SHOC2: variants seen among roughly 807,000 people sequenced by gnomAD.
SHOC2 encodes SHOC2 leucine rich repeat scaffold protein.
In SHOC2, 4 loss-of-function variants were observed where a neutral mutation model predicts 50.2. That is an observed-to-expected ratio of 0.08 (90% confidence interval 0.04 to 0.18). SHOC2 has a LOEUF of 0.18. Ranked by LOEUF, SHOC2 falls within the 10% of genes least tolerant of loss-of-function variation. SHOC2 has a pLI of 1.00. For synonymous variants in SHOC2, 218 were observed against 244.5 expected, an observed-to-expected ratio of 0.89 and a Z score of 1.01; for missense variants, 388 against 669.6, an observed-to-expected ratio of 0.58 and a Z score of 4.64.
At chr10:111,009,445 C>A in intron 7 of SHOC2, 60 bp downstream of exon 7, 2 of 1,377,058 alleles carry the variant, frequency 1.5e-6, no homozygotes, top group Non-Finnish European at 1.0e-6. Context: ...CCAAATTCCA[C>A]ATTTCTCTTA....
chr10:110,948,750 T>TA (rs1245051799), intron 1 of SHOC2, among the ~76,000 whole-genome samples: 1 of 152,156 alleles, frequency 6.6e-6, no homozygotes, highest in East Asian at 1.9e-4. Context: ...GGGAATTTTA[T>TA]GGTGATAAAT....
chr10:111,009,344 G>C lies in SHOC2; in HGVS notation c.1381G>C (p.Glu461Gln), dbSNP rs1392212378. 6.2e-7 allele frequency: 1 copy of C among 1,609,998 alleles called. No individual in the cohort carries two copies. The highest frequency in any genetic ancestry group is 1.1e-5 in the South Asian group (1 of 90,956). Reference sequence around the variant, plus strand: ...GTTGGATCTAGAAGAGAACAAATTGGAATCCTTGCCAAATGAAATTGCATA... The same window carrying C: ...GTTGGATCTAGAAGAGAACAAATTGCAATCCTTGCCAAATGAAATTGCATA... ...RELDLEENKL[E>Q]SLPNEIAYLK... Residue 461 changes from glutamate to glutamine, a missense_variant, in exon 7 of 9, where the codon GAA becomes CAA. By Grantham distance (29) the Glu-to-Gln change is conservative. This residue lies in a region of SHOC2 where 130 missense variants were observed against 208.6 expected (regional missense o/e 0.62). Transcript: ENST00000369452.
intron 2 of SHOC2, among the ~76,000 whole-genome samples, chr10:110,984,276 A>G (rs550469240): frequency 1.3e-5 from 2 of 152,126 alleles, no homozygotes; most frequent in African/African-American, 2.4e-5. Flanking sequence ...TCATGTGTTT[A>G]TTGCCCACTT....
intron 5 of SHOC2, among the ~76,000 whole-genome samples, chr10:111,005,186 A>T (rs1261499420): frequency 6.6e-6 from 1 of 152,106 alleles, no homozygotes. Context: ...GGGCAGGAGG[A>T]TGGCTTGAGC....
At chr10:110,936,762 C>T (rs1420948766) in intron 1 of SHOC2, 2 of 988,548 alleles carry the variant, frequency 2.0e-6, no homozygotes, top group Admixed American at 1.9e-5. Flanking sequence ...TTCCTCTTCT[C>T]CTCCAGGGTG....
intron 3 of SHOC2, among the ~76,000 whole-genome samples, chr10:110,991,262 G>A (rs1416172414): frequency 6.6e-6 from 1 of 152,182 alleles, no homozygotes; most frequent in African/African-American, 2.4e-5. Context: ...CTTCTAGTAA[G>A]TAGGATTAGT....
chr10:110,957,631 C>T (rs191292305), intron 1 of SHOC2, among the ~76,000 whole-genome samples: 5 of 150,518 alleles, frequency 3.3e-5, no homozygotes, highest in African/African-American at 1.2e-4. Context: ...ATTAGGTTCA[C>T]TTTTTTCTCC....
intron 1 of SHOC2, among the ~76,000 whole-genome samples, chr10:110,933,712 C>A (rs544261991): frequency 3.3e-4 from 50 of 152,280 alleles, no homozygotes; most frequent in African/African-American, 1.2e-3. Flanking sequence ...GTGGGAGGAT[C>A]TCTTGAGCAC....
intron 5 of SHOC2, among the ~76,000 whole-genome samples, chr10:111,006,840 G>C (rs1484961957): frequency 1.3e-5 from 2 of 152,160 alleles, no homozygotes; most frequent in African/African-American, 4.8e-5. Flanking sequence ...GGTACGAGTT[G>C]TTATTGATGA....
At chr10:110,927,325 A>G (rs73343855) in intron 1 of SHOC2, among the ~76,000 whole-genome samples, 3,347 of 152,246 alleles carry the variant, frequency 0.022, 121 homozygotes, top group African/African-American at 0.075. Flanking sequence ...TTTTATTTTA[A>G]TATTGTGATC....
intron 2 of SHOC2, among the ~76,000 whole-genome samples, chr10:110,975,276 C>A (rs932225829): frequency 6.6e-6 from 1 of 151,958 alleles, no homozygotes; most frequent in African/African-American, 2.4e-5. Context: ...CTGCCTCAGT[C>A]TCCCCAGTAG....
At chr10:110,963,611 G>T (rs1404647035) in intron 1 of SHOC2, among the ~76,000 whole-genome samples, 2 of 152,110 alleles carry the variant, frequency 1.3e-5, no homozygotes, top group Admixed American at 6.5e-5. Flanking sequence ...CTGTTTTAGT[G>T]TAGTGGGTTA....
intron 3 of SHOC2, among the ~76,000 whole-genome samples, chr10:110,997,727 C>T (rs1848295108): frequency 6.6e-6 from 1 of 152,100 alleles, no homozygotes; most frequent in Admixed American, 6.6e-5. Flanking sequence ...CCTAGAGCTA[C>T]CCTGTCAGGT....
At chr10:110,952,475 G>T (rs1322835695) in intron 1 of SHOC2, among the ~76,000 whole-genome samples, 1 of 152,050 alleles carries the variant, frequency 6.6e-6, no homozygotes, top group East Asian at 1.9e-4. Flanking sequence ...ATAGGGAATT[G>T]CTTTACTGCC....
intron 1 of SHOC2, among the ~76,000 whole-genome samples, chr10:110,944,456 C>G (rs1272898057): frequency 6.8e-6 from 1 of 147,724 alleles, no homozygotes; most frequent in Admixed American, 6.8e-5. Context: ...GGGACAGTTT[C>G]TGTTATTTGC....
At chr10:110,934,068 C>T (rs187047175) in intron 1 of SHOC2, among the ~76,000 whole-genome samples, 13 of 152,236 alleles carry the variant, frequency 8.5e-5, no homozygotes, top group African/African-American at 1.2e-4. Context: ...CATTTGCATA[C>T]GTCAGATTGA....
chr10:110,985,825 C>T, intron 3 of SHOC2, 60 bp downstream of exon 3: 1 of 1,410,908 alleles, frequency 7.1e-7, no homozygotes, highest in Non-Finnish European at 1.0e-6. Flanking sequence ...ATTAATAGGA[C>T]TATTTTTGAT....
chr10:110,936,166 G>A (rs891310703), intron 1 of SHOC2, among the ~76,000 whole-genome samples: 26 of 148,352 alleles, frequency 1.8e-4, no homozygotes, highest in African/African-American at 6.2e-4. Flanking sequence ...GCGCGATCTC[G>A]GCTCACTGCA....
At chr10:110,946,853 A>C (rs1330280715) in intron 1 of SHOC2, among the ~76,000 whole-genome samples, 1 of 152,168 alleles carries the variant, frequency 6.6e-6, no homozygotes, top group African/African-American at 2.4e-5. Flanking sequence ...TTTTTTAAGC[A>C]AGGGAGTGAC....
Sources: gnomAD v4.1 joint callset for allele counts (sites outside exome capture counted in the v4.1 genomes callset) on GRCh38, gnomAD v4.1.1 for gene constraint, gnomAD v4.1.1 regional missense constraint, MANE v1.5 for transcripts, NCBI Gene and HGNC (gene_info 2026-07-23, HGNC 2026-07-21) for gene names.